Variants in UBE2E2 observed in about 807,000 individuals in gnomAD.
UBE2E2 encodes ubiquitin conjugating enzyme E2 E2.
A neutral mutation model predicts 24.7 loss-of-function variants in UBE2E2; 6 were observed. The ratio of observed to expected loss-of-function variants is 0.24; its 90% CI spans 0.13 to 0.48. UBE2E2 has a LOEUF of 0.48. Among genes scored for constraint, UBE2E2 ranks in the 20% least tolerant of loss-of-function variants. The pLI is 0.99. For missense variants in UBE2E2, 169 were observed against 245.0 expected, an observed-to-expected ratio of 0.69 and a Z score of 2.07; for synonymous variants, 104 against 83.6, an observed-to-expected ratio of 1.24 and a Z score of -1.33.
At position 23,447,873 on chromosome 3, in the gene UBE2E2, C is replaced by T. The variant is rs536259797; in HGVS notation, c.228-51735C>T. Among the ~76,000 whole-genome samples, 3 of 152,184 alleles carry T rather than the reference C, an allele frequency of 2.0e-5. No homozygotes were observed. The East Asian group carries it at 5.8e-4, about 29-fold the overall frequency. On this transcript the variant is annotated intron_variant, in intron 3 of 5. Coordinates refer to ENST00000396703, the MANE Select transcript of UBE2E2 (RefSeq NM_152653.4). The stretch of plus-strand genomic sequence containing the variant: ...ATGAAATATGGTATTACATGGTTGT[C>T]TTCAGAGCCTTTATTAACATTCATG...
At chr3:23,536,757 T>C (rs903540753) in intron 5 of UBE2E2, among the ~76,000 whole-genome samples, 2 of 152,248 alleles carry the variant, frequency 1.3e-5, no homozygotes, top group Non-Finnish European at 2.9e-5. Flanking sequence ...GATACTGAGA[T>C]TGACCATTAT....
At chr3:23,540,493 T>A (rs988544085) in intron 5 of UBE2E2, among the ~76,000 whole-genome samples, 1 of 152,034 alleles carries the variant, frequency 6.6e-6, no homozygotes, top group African/African-American at 2.4e-5. Flanking sequence ...CAACTTCCAC[T>A]TGCTGGGTTC....
intron 3 of UBE2E2, among the ~76,000 whole-genome samples, chr3:23,404,900 A>G (rs1283120402): frequency 6.6e-6 from 1 of 152,236 alleles, no homozygotes. Flanking sequence ...GGGAAATCTG[A>G]GATACAAGTA....
At chr3:23,268,754 A>G (rs1232343533) in intron 3 of UBE2E2, among the ~76,000 whole-genome samples, 2 of 148,960 alleles carry the variant, frequency 1.3e-5, no homozygotes, top group South Asian at 2.2e-4. Context: ...AGTCAATCCT[A>G]AGCCAAAAGA....
chr3:23,317,942 G>T (rs2125285631), intron 3 of UBE2E2, among the ~76,000 whole-genome samples: 1 of 151,842 alleles, frequency 6.6e-6, no homozygotes, highest in Admixed American at 6.6e-5. Flanking sequence ...TTCTTATGAA[G>T]GTGCTTTTTT....
chr3:23,362,285 T>C (rs187656414), intron 3 of UBE2E2, among the ~76,000 whole-genome samples: 2 of 152,234 alleles, frequency 1.3e-5, no homozygotes, highest in East Asian at 3.9e-4. Context: ...TGGGAAAGAA[T>C]GAGTGAGTGT....
intron 4 of UBE2E2, among the ~76,000 whole-genome samples, chr3:23,529,294 A>G (rs1240871322): frequency 6.6e-6 from 1 of 152,228 alleles, no homozygotes; most frequent in Admixed American, 6.5e-5. Context: ...GAGTGCACAT[A>G]AAAATGAAAC....
intron 3 of UBE2E2, among the ~76,000 whole-genome samples, chr3:23,455,258 G>T (rs1698653435): frequency 1.3e-5 from 2 of 152,176 alleles, no homozygotes; most frequent in Non-Finnish European, 2.9e-5. Flanking sequence ...GATACTGCAG[G>T]TTCGGCTCGA....
intron 3 of UBE2E2, among the ~76,000 whole-genome samples, chr3:23,432,449 T>C (rs1698083032): frequency 6.6e-6 from 1 of 152,108 alleles, no homozygotes; most frequent in South Asian, 2.1e-4. Context: ...ACAAATTTTT[T>C]ACATCAGTGA....
At chr3:23,265,704 T>C (rs907441081) in intron 3 of UBE2E2, among the ~76,000 whole-genome samples, 2 of 152,160 alleles carry the variant, frequency 1.3e-5, no homozygotes, top group East Asian at 1.9e-4. Flanking sequence ...GGGCAGTACA[T>C]TTGAAACCCA....
chr3:23,346,102 C>T (rs1018231569), intron 3 of UBE2E2, among the ~76,000 whole-genome samples: 2 of 152,118 alleles, frequency 1.3e-5, no homozygotes, highest in Admixed American at 6.5e-5. Flanking sequence ...TTCTAGTTTT[C>T]GCCTTTCTTA....
chr3:23,444,982 G>A (rs544590970), intron 3 of UBE2E2, among the ~76,000 whole-genome samples: 7 of 152,264 alleles, frequency 4.6e-5, no homozygotes, highest in Admixed American at 2.6e-4. Context: ...TTGCCACCCT[G>A]CCACCAACTC....
At chr3:23,448,849 A>G (rs1698491191) in intron 3 of UBE2E2, among the ~76,000 whole-genome samples, 1 of 152,226 alleles carries the variant, frequency 6.6e-6, no homozygotes, top group Non-Finnish European at 1.5e-5. Flanking sequence ...TAAGTCAGGC[A>G]GATCCAGGAT....
intron 3 of UBE2E2, among the ~76,000 whole-genome samples, chr3:23,412,319 G>T (rs1336285829): frequency 1.3e-5 from 2 of 151,972 alleles, no homozygotes; most frequent in African/African-American, 4.8e-5. Flanking sequence ...GCCTTATGAA[G>T]GACCTTGTTT....
chr3:23,410,678 T>C (rs1697477115), intron 3 of UBE2E2, among the ~76,000 whole-genome samples: 1 of 152,190 alleles, frequency 6.6e-6, no homozygotes, highest in Non-Finnish European at 1.5e-5. Flanking sequence ...TATGTAGAAG[T>C]AGTATGAATC....
chr3:23,468,701 A>G (rs929407049), intron 3 of UBE2E2, among the ~76,000 whole-genome samples: 1 of 152,202 alleles, frequency 6.6e-6, no homozygotes, highest in Non-Finnish European at 1.5e-5. Context: ...GAACAAACCA[A>G]ACAACTAATA....
intron 3 of UBE2E2, among the ~76,000 whole-genome samples, chr3:23,413,749 C>A (rs989553199): frequency 1.3e-5 from 2 of 152,112 alleles, no homozygotes; most frequent in African/African-American, 4.8e-5. Context: ...GTTCTCTAGG[C>A]CCTAATACAC....
At chr3:23,219,987 C>T (rs188172982) in intron 3 of UBE2E2, among the ~76,000 whole-genome samples, 49 of 152,170 alleles carry the variant, frequency 3.2e-4, no homozygotes, top group African/African-American at 1.1e-3. Context: ...AATTTTGGTG[C>T]ATCTCTTAGG....
chr3:23,395,515 A>G (rs1697053785), intron 3 of UBE2E2, among the ~76,000 whole-genome samples: 1 of 152,194 alleles, frequency 6.6e-6, no homozygotes, highest in South Asian at 2.1e-4. Context: ...GTCACTGTGT[A>G]TTTGGGTGAA....
Sources: allele counts gnomAD v4.1 joint callset (sites outside exome capture counted in the v4.1 genomes callset), GRCh38; gene constraint gnomAD v4.1.1; transcripts MANE v1.5; gene names NCBI Gene and HGNC (gene_info 2026-07-23, HGNC 2026-07-21).